The following LVRN variants were observed in gnomAD, a reference collection of about 807,000 sequenced individuals.
The protein encoded by LVRN is laeverin.
In LVRN, 99 loss-of-function variants were observed where a neutral mutation model predicts 111.4. That is an observed-to-expected ratio of 0.89 (90% confidence interval 0.76 to 1.05). LVRN has a LOEUF of 1.05. Among genes scored for constraint, LVRN ranks in the 50% least tolerant of loss-of-function variants. The pLI is 0.00. For missense variants in LVRN, 1,414 were observed against 1,206.8 expected (o/e 1.17, Z -2.54); for synonymous variants, 488 against 449.5 (o/e 1.09, Z -1.08).
chr5:116,014,797 A>G (rs768555776), intron 16 of LVRN, among the ~76,000 whole-genome samples: 6 of 152,112 alleles, frequency 3.9e-5, no homozygotes, highest in Non-Finnish European at 7.4e-5. Context: ...TGAGCTGTCT[A>G]TGCTTGTTTT....
In LVRN at chr5:116,026,681, A is replaced by T. The variant is rs1748874074; in HGVS notation, c.*563A>T. On this transcript the variant is annotated 3_prime_UTR_variant, in exon 20 of 20. Coordinates refer to ENST00000357872, the MANE Select transcript of LVRN (RefSeq NM_173800.5). Reference sequence around the variant, plus strand: ...AATTTAACGAGCCCTAAAGGCAAGAAGTGTGTCTTCTCCTGCCCATTTCTC... The same window carrying T: ...AATTTAACGAGCCCTAAAGGCAAGATGTGTGTCTTCTCCTGCCCATTTCTC... The T allele has an allele frequency of 6.3e-6, 1 of 159,688 alleles. No individual in the cohort carries two copies. Among genetic ancestry groups the T allele is most frequent in the African/African-American group, 2.4e-5 (1 of 41,508 alleles). 9.9% of individuals were successfully genotyped at this position (159,688 alleles called of 1,614,324 possible).
rs5870678 is a variant in LVRN at position 116,003,587 on chromosome 5, G to GT, written c.2037+219dup. 3.7e-3 allele frequency among the ~76,000 whole-genome samples: 437 copies of GT among 117,468 alleles called. 4 individuals carry two copies. The highest frequency in any genetic ancestry group is 0.013 in the African/African-American group (394 of 30,420). 77.1% of individuals were successfully genotyped at this position (117,468 alleles called of 152,430 possible). Reference sequence around the variant, plus strand: ...TGTGTGGTTTTTTTTTGTTTTTTTTGTTTTTTTTTTTTGAGACGGAGTCTT... The same window carrying GT: ...TGTGTGGTTTTTTTTTGTTTTTTTTGTTTTTTTTTTTTTGAGACGGAGTCTT... On this transcript the variant is annotated intron_variant, in intron 12 of 19. Coordinates refer to ENST00000357872, the MANE Select transcript of LVRN (RefSeq NM_173800.5).
chr5:116,003,880 A>G (rs928290908), intron 12 of LVRN, among the ~76,000 whole-genome samples: 3 of 152,060 alleles, frequency 2.0e-5, no homozygotes, highest in Admixed American at 1.3e-4. Flanking sequence ...CGCGCCGGCC[A>G]AATGTGTTGT....
chr5:115,963,074 T>C lies in LVRN; in HGVS notation c.457T>C (p.Cys153Arg). The C allele has an allele frequency of 6.2e-7, 1 of 1,613,692 alleles. No individual in the cohort carries two copies. Among genetic ancestry groups the C allele is most frequent in the African/African-American group, 1.3e-5 (1 of 75,052 alleles). ...GCTGCTGCATAGCCTCTTCCAGGAC[T>C]GCGAGCGCGCCGAGGTGCGGGGACC... ...RLLLHSLFQDCERAEVRGPLS... is the reference protein window; with the variant it reads ...RLLLHSLFQDRERAEVRGPLS... The change falls in exon 1 of 20, where the codon TGC (cysteine) becomes CGC (arginine). Residue 153 changes from cysteine (C) to arginine (R), a missense_variant. Transcript: ENST00000357872.
intron 16 of LVRN, 54 bp downstream of exon 16, chr5:116,014,581 T>C: frequency 2.1e-6 from 3 of 1,445,298 alleles, no homozygotes. Flanking sequence ...GCACCAGCAA[T>C]TTCCCTTTTT....
intron 5 of LVRN, among the ~76,000 whole-genome samples, chr5:115,992,879 A>G (rs1215389946): frequency 6.6e-6 from 1 of 152,230 alleles, no homozygotes; most frequent in African/African-American, 2.4e-5. Context: ...TGTCTGCACC[A>G]TTAATACAAG....
rs143105047 is a variant in LVRN at position 115,994,869 on chromosome 5, C to T, written c.1374+1015C>T. On this transcript the variant is annotated intron_variant, in intron 6 of 19. Coordinates refer to ENST00000357872, the MANE Select transcript of LVRN (RefSeq NM_173800.5). ...ACTTAATGTTATCTTTTGATATAAA[C>T]CTTACTTCTGTTATAAACCAGAGGT... is the stretch of plus-strand genomic sequence containing the variant. Among the ~76,000 whole-genome samples the T allele has an allele frequency of 6.0e-3, 913 of 152,172 alleles. 7 individuals are homozygous for T. Among genetic ancestry groups the T allele is most frequent in the African/African-American group, 0.021 (880 of 41,528 alleles).
chr5:115,983,798 T>G (rs1319278070), intron 2 of LVRN, among the ~76,000 whole-genome samples: 1 of 152,204 alleles, frequency 6.6e-6, no homozygotes, highest in Non-Finnish European at 1.5e-5. Flanking sequence ...TAAATCAGTT[T>G]CCAACTTAAA....
Position 116,000,623 on chromosome 5 carries a change from G to T in LVRN, c.1612G>T (p.Ala538Ser). ...SYLKTFSYSN[A>S]EQDDLWRHFQ... ...TTTGAAGACATTTTCCTACTCAAAC[G>T]CTGAGCAAGATGATCTATGGAGGCA... The change falls in exon 9 of 20, where the codon GCT (alanine) becomes TCT (serine). Residue 538 changes from alanine (A) to serine (S), a missense_variant. Coordinates refer to ENST00000357872, the MANE Select transcript of LVRN (RefSeq NM_173800.5). The T allele has an allele frequency of 6.2e-7, 1 of 1,613,922 alleles. No homozygotes were observed. Among genetic ancestry groups the T allele is most frequent in the South Asian group, 1.1e-5 (1 of 91,058 alleles).
intron 5 of LVRN, among the ~76,000 whole-genome samples, chr5:115,992,663 A>C (rs1748022427): frequency 6.6e-6 from 1 of 152,184 alleles, no homozygotes; most frequent in Admixed American, 6.6e-5. Context: ...GATTGTTATA[A>C]ATTTCTAGTT....
At chr5:116,014,701 T>G (rs1748563704) in intron 16 of LVRN, among the ~76,000 whole-genome samples, 174 bp downstream of exon 16, 2 of 152,194 alleles carry the variant, frequency 1.3e-5, no homozygotes, top group Non-Finnish European at 2.9e-5. Context: ...TGTGGGTCTG[T>G]GTATAACGAT....
At chr5:115,982,196 A>G (rs1443096088) in intron 1 of LVRN, among the ~76,000 whole-genome samples, 2 of 152,176 alleles carry the variant, frequency 1.3e-5, no homozygotes, top group Non-Finnish European at 2.9e-5. Context: ...AAAATGGCTG[A>G]CTGAGAGTTG....
intron 10 of LVRN, 129 bp downstream of exon 10, chr5:116,001,368 C>G (rs929474539): frequency 1.8e-6 from 2 of 1,097,066 alleles, no homozygotes; most frequent in East Asian, 2.5e-5. Context: ...TGACTGTGTA[C>G]TAGGGTGAAG....
chr5:115,994,221 C>T (rs981465222), intron 6 of LVRN, among the ~76,000 whole-genome samples: 1 of 152,038 alleles, frequency 6.6e-6, no homozygotes, highest in Non-Finnish European at 1.5e-5. Context: ...ATTCCTACTA[C>T]ATATATTTCT....
chr5:115,998,589 T>C (rs1329224603), intron 6 of LVRN, among the ~76,000 whole-genome samples: 4 of 152,128 alleles, frequency 2.6e-5, no homozygotes, highest in African/African-American at 9.7e-5. Flanking sequence ...AAGCCTTGAG[T>C]GTTGAGCTAA....
In LVRN at chr5:116,026,202, G is replaced by C. The variant is rs994534264; in HGVS notation, c.*84G>C. On this transcript the variant is annotated 3_prime_UTR_variant, in exon 20 of 20. Coordinates refer to ENST00000357872, the MANE Select transcript of LVRN (RefSeq NM_173800.5). ...TGTCTTCCAATACTTTGTGAGTCTG[G>C]AAAACCACACATTTTATTTGTATTT... 1 of 1,545,134 alleles carries C rather than the reference G, an allele frequency of 6.5e-7. No individual in the cohort carries two copies. Among genetic ancestry groups the C allele is most frequent in the East Asian group, 2.3e-5 (1 of 43,670 alleles).
At chr5:116,021,759 G>A (rs1422685050) in intron 18 of LVRN, 1 of 443,848 alleles carries the variant, frequency 2.3e-6, no homozygotes, top group Non-Finnish European at 4.5e-6. Context: ...GCAGGTAAGT[G>A]TCTGCTGTTT....
At chr5:115,974,879 C>G (rs1173664487) in intron 1 of LVRN, 2 of 427,394 alleles carry the variant, frequency 4.7e-6, no homozygotes, top group African/African-American at 4.1e-5. Context: ...CGACCAATCT[C>G]TCTGTTCTGT....
At chr5:115,987,130 A>G (rs2112576849) in intron 3 of LVRN, among the ~76,000 whole-genome samples, 1 of 152,312 alleles carries the variant, frequency 6.6e-6, no homozygotes, top group African/African-American at 2.4e-5. Flanking sequence ...AATAAGCTCC[A>G]ATTACACAAA....
Sources: gnomAD v4.1 joint callset for allele counts (sites outside exome capture counted in the v4.1 genomes callset) on GRCh38, gnomAD v4.1.1 for gene constraint, MANE v1.5 for transcripts, NCBI Gene and HGNC (gene_info 2026-07-23, HGNC 2026-07-21) for gene names.